MSI2: variants seen among roughly 807,000 people sequenced by gnomAD.
MSI2 encodes musashi RNA binding protein 2, also known as RNA-binding protein Musashi homolog 2.
A neutral mutation model predicts 45.6 loss-of-function variants in MSI2; 17 were observed. The observed-to-expected ratio is 0.37, with a 90% CI of 0.26 to 0.56. The LOEUF is 0.56. MSI2 is among the 20% of genes least tolerant of loss of function. The probability of loss-of-function intolerance (pLI) is 0.77; values close to 1 mark genes in which losing one functional copy is unlikely to be tolerated. For synonymous variants in MSI2, 156 were observed against 158.2 expected (o/e 0.99, Z 0.11); for missense variants, 293 against 444.2 (o/e 0.66, Z 3.06).
At chr17:57,689,332 AAAAG>A (rs371810019), downstream of MSI2, among the ~76,000 whole-genome samples, 22 of 152,328 alleles carry the variant, frequency 1.4e-4, no homozygotes, top group African/African-American at 4.6e-4. Flanking sequence ...AGTTAATAGA[AAAAG>A]AAAAGGGTAG....
chr17:57,635,399 T>A (rs1423282936), intron 10 of MSI2, among the ~76,000 whole-genome samples: 1 of 152,202 alleles, frequency 6.6e-6, no homozygotes, highest in Non-Finnish European at 1.5e-5. Context: ...CTGCACCCCA[T>A]CTCCTCTCCA....
the MSI2 span, among the ~76,000 whole-genome samples, chr17:57,690,500 T>G: frequency 9.9e-5 from 15 of 151,502 alleles, no homozygotes; most frequent in Non-Finnish European, 2.1e-4. Context: ...GCACCTGTAG[T>G]CCCAGCTACT....
chr17:57,306,906 C>T (rs780854447), intron 5 of MSI2, among the ~76,000 whole-genome samples: 1 of 152,182 alleles, frequency 6.6e-6, no homozygotes, highest in Non-Finnish European at 1.5e-5. Flanking sequence ...ATACCCATAT[C>T]ATATTCAAAA....
At chr17:57,369,880 G>T (rs951979151) in intron 5 of MSI2, among the ~76,000 whole-genome samples, 2 of 152,210 alleles carry the variant, frequency 1.3e-5, no homozygotes, top group African/African-American at 4.8e-5. Context: ...CCCTGGGAAA[G>T]GAAGGGGCCA....
At chr17:57,639,444 C>G (rs1328288267) in intron 10 of MSI2, among the ~76,000 whole-genome samples, 3 of 152,232 alleles carry the variant, frequency 2.0e-5, no homozygotes, top group Admixed American at 2.0e-4. Context: ...GCCAGTGCCA[C>G]TCTTCTCAAA....
chr17:57,655,282 G>T (rs1279804383), intron 11 of MSI2, among the ~76,000 whole-genome samples: 1 of 152,162 alleles, frequency 6.6e-6, no homozygotes, highest in Non-Finnish European at 1.5e-5. Flanking sequence ...CTTGTGCTCA[G>T]TCGAGAGTTT....
intron 6 of MSI2, among the ~76,000 whole-genome samples, chr17:57,486,181 C>T (rs182166377): frequency 5.9e-5 from 9 of 152,346 alleles, no homozygotes; most frequent in African/African-American, 2.2e-4. Context: ...GGAGGAGGAA[C>T]ATCACAGGGT....
chr17:57,397,184 C>CA (rs1394452187), intron 5 of MSI2, among the ~76,000 whole-genome samples: 1 of 152,154 alleles, frequency 6.6e-6, no homozygotes, highest in Non-Finnish European at 1.5e-5. Context: ...GGTTAGGAAA[C>CA]AGTTACCTGA....
chr17:57,524,626 A>G (rs555223511), intron 6 of MSI2, among the ~76,000 whole-genome samples: 1 of 152,196 alleles, frequency 6.6e-6, no homozygotes, highest in South Asian at 2.1e-4. Context: ...TTTTTCTTTC[A>G]TCGGGTGCAG....
At chr17:57,637,230 AG>A (rs1321045224) in intron 10 of MSI2, among the ~76,000 whole-genome samples, 2 of 152,218 alleles carry the variant, frequency 1.3e-5, no homozygotes, top group African/African-American at 4.8e-5. Context: ...TAGACAGGAA[AG>A]CATGTCTGCT....
intron 6 of MSI2, among the ~76,000 whole-genome samples, chr17:57,500,958 G>C (rs2086092628): frequency 1.3e-5 from 2 of 150,434 alleles, no homozygotes; most frequent in African/African-American, 4.9e-5. Context: ...GTGAGACCCT[G>C]TCTTGAAAAA....
In MSI2 at chr17:57,407,790, C is replaced by A. The variant is rs1382414181; in HGVS notation, c.405+6319C>A. Among the ~76,000 whole-genome samples the A allele has an allele frequency of 1.3e-5, 2 of 152,214 alleles. No individual in the cohort carries two copies. Among genetic ancestry groups the A allele is most frequent in the Non-Finnish European group, 2.9e-5 (2 of 68,046 alleles). ...CTACTTTTGTGTTTAAATTTTCTTCCTCTAATAGCCCAGAACAAAGCCAAC... is the reference window on the plus strand; with the variant it reads ...CTACTTTTGTGTTTAAATTTTCTTCATCTAATAGCCCAGAACAAAGCCAAC... On this transcript the variant is annotated intron_variant, in intron 6 of 13. Transcript: ENST00000284073. This position sits in a 1 kb window ranked among gnomAD's most constrained non-coding sequence, Gnocchi z 4.1.
chr17:57,524,373 A>T (rs2086655601), intron 6 of MSI2, among the ~76,000 whole-genome samples: 1 of 152,134 alleles, frequency 6.6e-6, no homozygotes. Flanking sequence ...TCCACCATAG[A>T]CCTGTGTGAG....
intron 6 of MSI2, among the ~76,000 whole-genome samples, chr17:57,438,673 G>A (rs1464099932): frequency 6.6e-6 from 1 of 152,120 alleles, no homozygotes; most frequent in African/African-American, 2.4e-5. Flanking sequence ...TAAAAATACA[G>A]TATTTTAGGA....
At position 57,669,366 on chromosome 17, in the gene MSI2, C is replaced by A. The variant is rs990718411; in HGVS notation, c.791-5606C>A. Among the ~76,000 whole-genome samples the A allele has an allele frequency of 2.6e-5, 4 of 152,264 alleles. No homozygotes were observed. The East Asian group carries it at 7.7e-4, about 29-fold the overall frequency. On this transcript the variant is annotated intron_variant, in intron 11 of 13. Transcript: ENST00000284073. ...TTGACAGCCAACTGGCATTGTGGAC[C>A]CAGTGTCCACTGAGGAATGGCAGAA...
intron 11 of MSI2, among the ~76,000 whole-genome samples, chr17:57,656,632 T>C (rs1224245282): frequency 6.6e-6 from 1 of 152,186 alleles, no homozygotes; most frequent in East Asian, 1.9e-4. Flanking sequence ...TATTTGTTCT[T>C]AGGGTTGGTG....
chr17:57,298,376 G>A (rs1318728222), intron 5 of MSI2, among the ~76,000 whole-genome samples: 2 of 152,180 alleles, frequency 1.3e-5, no homozygotes, highest in East Asian at 1.9e-4. Context: ...GGTCTCAACA[G>A]TGGGCTTAAA....
chr17:57,605,839 T>G (rs553634774), intron 8 of MSI2, among the ~76,000 whole-genome samples: 1 of 152,346 alleles, frequency 6.6e-6, no homozygotes, highest in South Asian at 2.1e-4. Flanking sequence ...ATAAATGAAG[T>G]TAGGCCCCAC....
chr17:57,273,869 T>G (rs1005485062), intron 5 of MSI2, among the ~76,000 whole-genome samples: 10 of 152,208 alleles, frequency 6.6e-5, no homozygotes, highest in African/African-American at 2.4e-4. Context: ...AAGGACTGAT[T>G]GTGTTCATGG....
Sources: gnomAD v4.1 joint callset for allele counts (sites outside exome capture counted in the v4.1 genomes callset) on GRCh38, gnomAD v4.1.1 for gene constraint, Gnocchi (gnomAD v3.1) non-coding constraint, MANE v1.5 for transcripts, NCBI Gene and HGNC (gene_info 2026-07-23, HGNC 2026-07-21) for gene names.